PLCB4: variants seen among roughly 807,000 people sequenced by gnomAD.
PLCB4 encodes the protein 1-phosphatidylinositol 4,5-bisphosphate phosphodiesterase beta-4.
PLCB4 carries 77 observed loss-of-function variants against 178.8 expected under a neutral mutation model. The observed-to-expected ratio is 0.43, with a 90% confidence interval of 0.36 to 0.52. The LOEUF is 0.52. Ranked by LOEUF, PLCB4 falls within the 20% of genes least tolerant of loss-of-function variation. The pLI, the probability that PLCB4 is intolerant of heterozygous loss-of-function variation, is 0.00. For missense variants in PLCB4, 1,024 were observed against 1,453.4 expected (o/e 0.70, Z 4.80); for synonymous variants, 496 against 490.8 (o/e 1.01, Z -0.14).
chr20:9,468,353 T>G lies in PLCB4; in HGVS notation c.3249-218T>G, dbSNP rs3761163. Among the ~76,000 whole-genome samples, 14,310 of 152,128 alleles carry G rather than the reference T, an allele frequency of 0.094. 840 individuals carry two copies. Among genetic ancestry groups the G allele is most frequent in the East Asian group, 0.3 (1,534 of 5,174 alleles). On this transcript the variant is annotated intron_variant, in intron 35 of 39. Transcript: ENST00000378473. ...ATTGCTATAAACAGAAGTATTTTTG[T>G]TTTTTTCCATGCTTAAATTATGTCT...
intron 2 of PLCB4, among the ~76,000 whole-genome samples, chr20:9,104,127 A>G (rs1201263758): frequency 1.3e-5 from 2 of 152,160 alleles, no homozygotes; most frequent in Non-Finnish European, 2.9e-5. Flanking sequence ...TTTTGACTGC[A>G]TGCCAGAGGA....
At chr20:9,300,115 T>G (rs972437545) in intron 3 of PLCB4, among the ~76,000 whole-genome samples, 12 of 152,128 alleles carry the variant, frequency 7.9e-5, no homozygotes, top group African/African-American at 2.9e-4. Flanking sequence ...GTTGATATGT[T>G]TTTAGAAATA....
chr20:9,250,409 G>A, intron 3 of PLCB4, among the ~76,000 whole-genome samples: 1 of 152,148 alleles, frequency 6.6e-6, no homozygotes, highest in Non-Finnish European at 1.5e-5. Flanking sequence ...AAGAACAAAG[G>A]ACAGTGAATG....
At chr20:9,155,913 A>G (rs967105053) in intron 2 of PLCB4, among the ~76,000 whole-genome samples, 4 of 152,162 alleles carry the variant, frequency 2.6e-5, no homozygotes, top group African/African-American at 9.7e-5. Context: ...ACACAAGACA[A>G]GTAAATACAG....
At chr20:9,471,900 A>T (rs1033943947) in intron 36 of PLCB4, among the ~76,000 whole-genome samples, 34 of 152,320 alleles carry the variant, frequency 2.2e-4, no homozygotes, top group African/African-American at 7.9e-4. Flanking sequence ...GCCTGTGTGC[A>T]CAAGAAGATA....
intron 2 of PLCB4, among the ~76,000 whole-genome samples, chr20:9,140,783 C>T (rs936123173): frequency 1.3e-5 from 2 of 152,058 alleles, no homozygotes; most frequent in South Asian, 2.1e-4. Flanking sequence ...CATGTTTATA[C>T]AGCCTGCGGA....
chr20:9,364,489 G>A (rs1489486981), intron 8 of PLCB4, among the ~76,000 whole-genome samples: 2 of 152,204 alleles, frequency 1.3e-5, no homozygotes, highest in Non-Finnish European at 2.9e-5. Context: ...TCCTCCAGGA[G>A]GAAGTCCACA....
At position 9,324,643 on chromosome 20, in the gene PLCB4, C is replaced by T. The variant is rs561375384; in HGVS notation, c.85-12483C>T. Among the ~76,000 whole-genome samples, 7 of 152,240 alleles carry T rather than the reference C, an allele frequency of 4.6e-5. No individual in the cohort carries two copies. In the East Asian group the frequency reaches 1.4e-3, roughly 29 times the overall value. ...AGGACTCTGCTGCCATTTCCTGAGG[C>T]CGACTCTGAGCTCACTGCAGAATTC... On this transcript the variant is annotated intron_variant, in intron 4 of 39. Transcript: ENST00000378473.
intron 12 of PLCB4, among the ~76,000 whole-genome samples, chr20:9,375,748 A>G (rs1306992023): frequency 2.0e-5 from 3 of 152,146 alleles, no homozygotes; most frequent in Non-Finnish European, 4.4e-5. Context: ...TTGATTGTCT[A>G]CTCTGATATA....
chr20:9,270,891 G>T (rs2094396446), intron 3 of PLCB4, among the ~76,000 whole-genome samples: 1 of 151,960 alleles, frequency 6.6e-6, no homozygotes, highest in Non-Finnish European at 1.5e-5. Flanking sequence ...AAAGATCAGT[G>T]AATACCACCC....
In PLCB4 at chr20:9,311,033, T is replaced by C. The variant is rs181538992; in HGVS notation, c.84+3135T>C. ...CCTAAGTGATGCTTAACATTAAATC[T>C]TTAAAAGACAGATTCGTCTCTTGTG... On this transcript the variant is annotated intron_variant, in intron 4 of 39. Transcript: ENST00000378473. Among the ~76,000 whole-genome samples, 4 of 152,350 alleles carry C rather than the reference T, an allele frequency of 2.6e-5. No homozygotes were observed. The East Asian group carries it at 7.7e-4, about 29-fold the overall frequency.
chr20:9,421,674 C>G (rs907179371), intron 27 of PLCB4, among the ~76,000 whole-genome samples: 2 of 152,188 alleles, frequency 1.3e-5, no homozygotes, highest in African/African-American at 4.8e-5. Flanking sequence ...AAGAGCCCAT[C>G]TCCTGCACAG....
chr20:9,115,278 T>C (rs78297540), intron 2 of PLCB4, among the ~76,000 whole-genome samples: 5,225 of 152,194 alleles, frequency 0.034, 115 homozygotes, highest in Non-Finnish European at 0.054. Flanking sequence ...ATGGTCCTCA[T>C]AGAAACTGAG....
chr20:9,430,357 AAACCTTACTTT>A (rs2041310839), intron 28 of PLCB4, among the ~76,000 whole-genome samples: 1 of 152,240 alleles, frequency 6.6e-6, no homozygotes, highest in Admixed American at 6.5e-5. Flanking sequence ...TAATTTGAAC[AAACCTTACTTT>A]ACACTTTTCA....
chr20:9,084,242 G>T (rs6077486), intron 1 of PLCB4, among the ~76,000 whole-genome samples: 74,051 of 151,872 alleles, frequency 0.49, 18,543 homozygotes, highest in Middle Eastern at 0.57. Context: ...TACATGAATT[G>T]CACATACTTC....
intron 2 of PLCB4, among the ~76,000 whole-genome samples, chr20:9,105,680 A>G (rs2091335961): frequency 6.6e-6 from 1 of 152,112 alleles, no homozygotes; most frequent in Non-Finnish European, 1.5e-5. Context: ...TTAGTATATG[A>G]TAAGATTGGT....
At chr20:9,442,542 G>C (rs1323939382) in intron 30 of PLCB4, among the ~76,000 whole-genome samples, 3 of 152,218 alleles carry the variant, frequency 2.0e-5, no homozygotes, top group African/African-American at 7.2e-5. Context: ...TAAAAATTGA[G>C]AGAGAGAGTG....
intron 3 of PLCB4, among the ~76,000 whole-genome samples, chr20:9,231,278 A>G (rs1463262521): frequency 6.6e-6 from 1 of 152,148 alleles, no homozygotes; most frequent in Non-Finnish European, 1.5e-5. Context: ...TGGATGAGGT[A>G]GCCCAGGGGA....
chr20:9,171,134 G>T (rs1455359944), intron 2 of PLCB4, among the ~76,000 whole-genome samples: 96 of 152,050 alleles, frequency 6.3e-4, no homozygotes, highest in Middle Eastern at 6.8e-3. Context: ...GTTTTTTTGT[G>T]TGTGTGTGAA....
Sources: allele counts gnomAD v4.1 joint callset (sites outside exome capture counted in the v4.1 genomes callset), GRCh38; gene constraint gnomAD v4.1.1; transcripts MANE v1.5; gene names NCBI Gene and HGNC (gene_info 2026-07-23, HGNC 2026-07-21).